The following SGCZ variants were observed in gnomAD, a reference collection of about 807,000 sequenced individuals.
The protein encoded by SGCZ is sarcoglycan zeta, also known as zeta-sarcoglycan.
A neutral mutation model predicts 41.3 loss-of-function variants in SGCZ; 40 were observed. That is an observed-to-expected ratio of 0.97 (90% CI 0.75 to 1.26). The LOEUF is 1.26. Ranked by LOEUF, SGCZ falls within the 50% of genes most tolerant of loss-of-function variation. The pLI, the probability that SGCZ is intolerant of heterozygous loss-of-function variation, is 0.00. For synonymous variants in SGCZ, 206 were observed against 137.5 expected, an observed-to-expected ratio of 1.50 and a Z score of -3.49; for missense variants, 552 against 369.8, an observed-to-expected ratio of 1.49 and a Z score of -4.04.
At chr8:14,608,844 G>C (rs1342215636) in intron 1 of SGCZ, among the ~76,000 whole-genome samples, 1 of 151,092 alleles carries the variant, frequency 6.6e-6, no homozygotes, top group Non-Finnish European at 1.5e-5. Context: ...TTAAGCTTTT[G>C]AAAAAAAATG....
At chr8:14,308,890 T>C in intron 3 of SGCZ, 1 of 426,346 alleles carries the variant, frequency 2.3e-6, no homozygotes, top group African/African-American at 2.0e-5. Context: ...CTGTTTGATA[T>C]TCGCAAAGAA....
intron 1 of SGCZ, among the ~76,000 whole-genome samples, chr8:14,641,400 G>A (rs78951759): frequency 0.11 from 16,380 of 151,542 alleles, 1,062 homozygotes; most frequent in African/African-American, 0.19. Context: ...AGAAAAAATC[G>A]TAACATTTGA....
intron 2 of SGCZ, among the ~76,000 whole-genome samples, chr8:14,548,098 T>C (rs1437551906): frequency 6.6e-6 from 1 of 152,150 alleles, no homozygotes; most frequent in Admixed American, 6.6e-5. Context: ...TTTATTATTT[T>C]AATTCTTTTG....
At chr8:14,725,513 G>A (rs1423545081) in intron 1 of SGCZ, among the ~76,000 whole-genome samples, 5 of 152,024 alleles carry the variant, frequency 3.3e-5, no homozygotes, top group African/African-American at 4.8e-5. Context: ...TTCATAAAAC[G>A]ATTTTAAATG....
intron 1 of SGCZ, among the ~76,000 whole-genome samples, chr8:15,051,048 G>C (rs1232454865): frequency 6.6e-6 from 1 of 152,076 alleles, no homozygotes; most frequent in Non-Finnish European, 1.5e-5. Flanking sequence ...TTCTCATCTT[G>C]GTAGTTTAAT....
At chr8:14,153,011 G>A (rs1803757170) in intron 5 of SGCZ, among the ~76,000 whole-genome samples, 1 of 148,452 alleles carries the variant, frequency 6.7e-6, no homozygotes, top group Admixed American at 6.6e-5. Context: ...GTGATTGTCG[G>A]GGGTTAACGT....
Position 14,231,257 on chromosome 8 carries a change from G to C in SGCZ, c.424+6335C>G, listed in dbSNP as rs532773543. On this transcript the variant is annotated intron_variant, in intron 4 of 7. Coordinates refer to ENST00000382080, the MANE Select transcript of SGCZ (RefSeq NM_139167.4). Reference sequence around the variant, plus strand: ...AGAGAGAGAGAGAGAGAGACACAGAGAGAGAGAGAGACAGAGACAGAGAGA... The same window carrying C: ...AGAGAGAGAGAGAGAGAGACACAGACAGAGAGAGAGACAGAGACAGAGAGA... Among the ~76,000 whole-genome samples the C allele has an allele frequency of 3.6e-3, 545 of 151,330 alleles. 12 individuals are homozygous for C. Among genetic ancestry groups the C allele is most frequent in the Admixed American group, 0.024 (364 of 15,084 alleles).
At chr8:14,275,010 C>T (rs1585308619) in intron 3 of SGCZ, among the ~76,000 whole-genome samples, 1 of 151,938 alleles carries the variant, frequency 6.6e-6, no homozygotes, top group Non-Finnish European at 1.5e-5. Context: ...ATTATTCATT[C>T]GATATTCAGA....
At chr8:14,272,980 A>G (rs1425619588) in intron 3 of SGCZ, among the ~76,000 whole-genome samples, 2 of 152,112 alleles carry the variant, frequency 1.3e-5, no homozygotes, top group African/African-American at 4.8e-5. Context: ...ATGTCGAATT[A>G]GAAATAAACA....
chr8:14,950,092 C>G (rs141124059), intron 1 of SGCZ, among the ~76,000 whole-genome samples: 1 of 151,996 alleles, frequency 6.6e-6, no homozygotes, highest in Admixed American at 6.6e-5. Context: ...GAGTCTAAAA[C>G]AATCCTGAAA....
chr8:14,426,482 C>T (rs1164483219), intron 2 of SGCZ, among the ~76,000 whole-genome samples: 1 of 151,686 alleles, frequency 6.6e-6, no homozygotes, highest in African/African-American at 2.4e-5. Flanking sequence ...AGCAGAGAGG[C>T]AGAGAACTAG....
intron 2 of SGCZ, among the ~76,000 whole-genome samples, chr8:14,362,784 T>C (rs74378544): frequency 0.067 from 10,167 of 152,196 alleles, 1,027 homozygotes; most frequent in African/African-American, 0.22. Flanking sequence ...GTCTATCTCA[T>C]TAGGAGCTGT....
intron 1 of SGCZ, among the ~76,000 whole-genome samples, chr8:14,732,173 C>T (rs1450936503): frequency 6.6e-6 from 1 of 152,168 alleles, no homozygotes; most frequent in Non-Finnish European, 1.5e-5. Context: ...TTCTCACTCT[C>T]TATAACTCTC....
At chr8:14,385,099 TAGG>T (rs1804524446) in intron 2 of SGCZ, among the ~76,000 whole-genome samples, 1 of 152,156 alleles carries the variant, frequency 6.6e-6, no homozygotes, top group Non-Finnish European at 1.5e-5. Context: ...CAACTGTGTG[TAGG>T]AATTGGGGTG....
chr8:14,736,789 T>C (rs1329400439), intron 1 of SGCZ, among the ~76,000 whole-genome samples: 2 of 152,258 alleles, frequency 1.3e-5, no homozygotes, highest in East Asian at 1.9e-4. Flanking sequence ...ATTCAGGTCA[T>C]TGCAAATGCT....
intron 1 of SGCZ, among the ~76,000 whole-genome samples, chr8:15,018,066 G>A (rs766090264): frequency 2.6e-5 from 4 of 152,064 alleles, no homozygotes; most frequent in Admixed American, 6.6e-5. Flanking sequence ...TTCCATTTAA[G>A]ACACTGGTAC....
chr8:14,419,233 A>G (rs1417429070), intron 2 of SGCZ, among the ~76,000 whole-genome samples: 1 of 151,982 alleles, frequency 6.6e-6, no homozygotes, highest in African/African-American at 2.4e-5. Context: ...AAGTTAGCTA[A>G]TGTGGCAACA....
At chr8:15,058,478 C>T (rs1272794879) in intron 1 of SGCZ, among the ~76,000 whole-genome samples, 1 of 152,172 alleles carries the variant, frequency 6.6e-6, no homozygotes, top group East Asian at 1.9e-4. Context: ...GTATATTTGT[C>T]TGCAGTAATA....
At chr8:14,236,299 A>G (rs1036563257) in intron 4 of SGCZ, among the ~76,000 whole-genome samples, 1 of 152,200 alleles carries the variant, frequency 6.6e-6, no homozygotes, top group Non-Finnish European at 1.5e-5. Flanking sequence ...TCTAATTATC[A>G]CAAAATATTA....
Sources: allele counts gnomAD v4.1 joint callset (sites outside exome capture counted in the v4.1 genomes callset), GRCh38; gene constraint gnomAD v4.1.1; transcripts MANE v1.5; gene names NCBI Gene and HGNC (gene_info 2026-07-23, HGNC 2026-07-21).